The following AGMO variants were observed in gnomAD, a reference collection of about 807,000 sequenced individuals.
AGMO encodes glyceryl-ether monooxygenase.
A neutral mutation model predicts 60.2 loss-of-function variants in AGMO; 75 were observed. The ratio of observed to expected loss-of-function variants is 1.25; its 90% confidence interval spans 1.03 to 1.51. The LOEUF (loss-of-function observed/expected upper bound fraction) is 1.51. Ranked by LOEUF, AGMO falls within the 40% of genes most tolerant of loss-of-function variation. The probability of loss-of-function intolerance (pLI) is 0.00; values close to 1 mark genes in which losing one functional copy is unlikely to be tolerated. For missense variants in AGMO, 763 were observed against 525.5 expected, an observed-to-expected ratio of 1.45 and a Z score of -4.42; for synonymous variants, 261 against 177.1, an observed-to-expected ratio of 1.47 and a Z score of -3.76.
intron 12 of AGMO, among the ~76,000 whole-genome samples, chr7:15,354,492 A>ACG (rs1563105916): frequency 0.06 from 1,302 of 21,724 alleles, 189 homozygotes; most frequent in Admixed American, 0.075. Context: ...GTATATACAC[A>ACG]CGTGTATATA....
At chr7:15,408,702 TTGAATCATGGTTC>T (rs1784765973) in intron 5 of AGMO, among the ~76,000 whole-genome samples, 1 of 151,932 alleles carries the variant, frequency 6.6e-6, no homozygotes, top group South Asian at 2.1e-4. Context: ...TTACCAGGCT[TTGAATCATGGTTC>T]TGCTACTAAC....
In AGMO at chr7:15,493,357, ACACAC is replaced by A. The variant is rs1783122632; in HGVS notation, c.409+51410_409+51414del. On this transcript the variant is annotated intron_variant, in intron 3 of 12. Transcript: ENST00000342526. The stretch of plus-strand genomic sequence containing the variant: ...AAAACACACACACACACACACACAC[ACACAC>A]TTCTTTTTTTTTTTTTTTTTTTTTT... 3.5e-5 allele frequency among the ~76,000 whole-genome samples: 3 copies of A among 86,668 alleles called. 1 individual carries two copies. In the South Asian group the frequency reaches 1.4e-3, roughly 39 times the overall value. 56.9% of individuals were successfully genotyped at this position (86,668 alleles called of 152,430 possible). A position where few individuals can be genotyped will look rare whatever the true frequency, so the allele number is the denominator to read the frequency against.
chr7:15,308,592 G>T (rs1360300762), intron 12 of AGMO, among the ~76,000 whole-genome samples: 1 of 152,038 alleles, frequency 6.6e-6, no homozygotes, highest in African/African-American at 2.4e-5. Flanking sequence ...CTAAAAACAA[G>T]ATTTATGCCT....
At chr7:15,322,613 A>AATATATAAATATATATAAAT (rs1372669302) in intron 12 of AGMO, among the ~76,000 whole-genome samples, 1 of 29,428 alleles carries the variant, frequency 3.4e-5, no homozygotes, top group Non-Finnish European at 5.7e-5. Flanking sequence ...AATATATATA[A>AATATATAAATATATATAAAT]ATATATAAAT....
intron 10 of AGMO, among the ~76,000 whole-genome samples, chr7:15,371,831 C>G (rs1310463110): frequency 6.6e-6 from 1 of 152,126 alleles, no homozygotes; most frequent in Non-Finnish European, 1.5e-5. Flanking sequence ...AGCCACCACA[C>G]CTCATCTAAT....
chr7:15,231,053 T>C (rs553812650), intron 12 of AGMO, among the ~76,000 whole-genome samples: 2 of 152,284 alleles, frequency 1.3e-5, no homozygotes, highest in South Asian at 4.1e-4. Context: ...GCTTATTGAG[T>C]CCTAGATCAT....
the AGMO span, among the ~76,000 whole-genome samples, chr7:15,187,703 T>C: frequency 6.6e-6 from 1 of 152,202 alleles, no homozygotes; most frequent in Non-Finnish European, 1.5e-5. Flanking sequence ...GGTCTTGGTT[T>C]TTCTTTACTC....
chr7:15,417,113 C>A (rs548421436), intron 5 of AGMO, among the ~76,000 whole-genome samples: 2 of 152,286 alleles, frequency 1.3e-5, no homozygotes, highest in South Asian at 2.1e-4. Context: ...AAGATCCAAA[C>A]CATGAATTTC....
At chr7:15,234,578 A>G (rs1201560167) in intron 12 of AGMO, among the ~76,000 whole-genome samples, 1 of 152,168 alleles carries the variant, frequency 6.6e-6, no homozygotes, top group African/African-American at 2.4e-5. Flanking sequence ...ATAAAATCTT[A>G]AAGTTGTTGA....
At chr7:15,140,763 CT>C in the AGMO span, among the ~76,000 whole-genome samples, 1 of 151,996 alleles carries the variant, frequency 6.6e-6, no homozygotes, top group Admixed American at 6.6e-5. Flanking sequence ...TTTTTACATA[CT>C]TTTTTGCTAA....
chr7:15,307,449 C>A lies in AGMO; in HGVS notation c.1263+58065G>T, dbSNP rs546722551. On this transcript the variant is annotated intron_variant, in intron 12 of 12. Transcript: ENST00000342526. ...TTTAGATGGGCTAATCAATTAAACTCTAAAAGAACAGGACTCTAGTTGATT... is the reference window on the plus strand; with the variant it reads ...TTTAGATGGGCTAATCAATTAAACTATAAAAGAACAGGACTCTAGTTGATT... 4.6e-5 allele frequency among the ~76,000 whole-genome samples: 7 copies of A among 151,976 alleles called. No homozygotes were observed. The South Asian group carries it at 1.5e-3, about 31-fold the overall frequency.
At chr7:15,543,006 T>G (rs1784673698) in intron 3 of AGMO, among the ~76,000 whole-genome samples, 1 of 152,200 alleles carries the variant, frequency 6.6e-6, no homozygotes, top group African/African-American at 2.4e-5. Flanking sequence ...ATGCTACTCC[T>G]ATTTCCTTCA....
chr7:15,369,200 T>C (rs1783103450), intron 10 of AGMO, among the ~76,000 whole-genome samples: 2 of 152,066 alleles, frequency 1.3e-5, no homozygotes, highest in Admixed American at 1.3e-4. Context: ...TCCCCAACAA[T>C]TGTTGAAATA....
intron 12 of AGMO, among the ~76,000 whole-genome samples, chr7:15,279,611 G>T (rs1268853105): frequency 6.6e-6 from 1 of 152,064 alleles, no homozygotes; most frequent in African/African-American, 2.4e-5. Flanking sequence ...GATTTACACT[G>T]TGAACTTTTT....
At chr7:15,230,469 A>G (rs1313461680) in intron 12 of AGMO, among the ~76,000 whole-genome samples, 3 of 152,170 alleles carry the variant, frequency 2.0e-5, no homozygotes, top group Non-Finnish European at 4.4e-5. Flanking sequence ...TCCTATGGCA[A>G]GTCCTACAGG....
At chr7:15,291,923 T>C (rs781264521) in intron 12 of AGMO, among the ~76,000 whole-genome samples, 1 of 152,156 alleles carries the variant, frequency 6.6e-6, no homozygotes, top group Non-Finnish European at 1.5e-5. Flanking sequence ...GAATTGGACA[T>C]GACCTGTGTA....
chr7:15,249,616 T>C (rs1320493603), intron 12 of AGMO, among the ~76,000 whole-genome samples: 1 of 152,098 alleles, frequency 6.6e-6, no homozygotes, highest in Non-Finnish European at 1.5e-5. Flanking sequence ...GAGTATGGAA[T>C]AGACTTTATT....
In AGMO at chr7:15,525,641, G is replaced by T. The variant is rs1337018007; in HGVS notation, c.409+19131C>A. 2.0e-5 allele frequency among the ~76,000 whole-genome samples: 3 copies of T among 152,060 alleles called. No individual in the cohort carries two copies. In the South Asian group the frequency reaches 6.2e-4, roughly 31 times the overall value. Reference sequence around the variant, plus strand: ...TCTTGGATGCAGGACAAGAACTCAGGACTCATCAAATGCAGGTACAAAGAA... The same window carrying T: ...TCTTGGATGCAGGACAAGAACTCAGTACTCATCAAATGCAGGTACAAAGAA... On this transcript the variant is annotated intron_variant, in intron 3 of 12. Coordinates refer to ENST00000342526, the MANE Select transcript of AGMO (RefSeq NM_001004320.2).
intron 12 of AGMO, among the ~76,000 whole-genome samples, chr7:15,318,655 T>A (rs966364781): frequency 6.6e-6 from 1 of 152,188 alleles, no homozygotes; most frequent in Non-Finnish European, 1.5e-5. Flanking sequence ...ATGAGCTTTA[T>A]CTGTAGGATC....
Sources: allele counts gnomAD v4.1 joint callset (sites outside exome capture counted in the v4.1 genomes callset), GRCh38; gene constraint gnomAD v4.1.1; transcripts MANE v1.5; gene names NCBI Gene and HGNC (gene_info 2026-07-23, HGNC 2026-07-21).